JAKMIP2: variants seen among roughly 807,000 people sequenced by gnomAD.
JAKMIP2 encodes the protein janus kinase and microtubule interacting protein 2, also known as janus kinase and microtubule-interacting protein 2.
Under a neutral mutation model 115.0 loss-of-function variants are expected in JAKMIP2, and 25 were observed. The observed-to-expected ratio is 0.22, with a 90% CI of 0.16 to 0.30. The LOEUF (loss-of-function observed/expected upper bound fraction) is 0.30, where lower values mean the gene tolerates loss of function less well. Among genes scored for constraint, JAKMIP2 ranks in the 10% least tolerant of loss-of-function variants. The pLI, the probability that JAKMIP2 is intolerant of heterozygous loss-of-function variation, is 1.00. For synonymous variants in JAKMIP2, 334 were observed against 343.6 expected (o/e 0.97, Z 0.31); for missense variants, 642 against 957.6 (o/e 0.67, Z 4.35).
intron 1 of JAKMIP2, among the ~76,000 whole-genome samples, chr5:147,681,783 G>A (rs978378346): frequency 2.6e-5 from 4 of 151,916 alleles, no homozygotes; most frequent in African/African-American, 9.7e-5. Flanking sequence ...GGCTCACACC[G>A]GTAATCCCAG....
intron 5 of JAKMIP2, among the ~76,000 whole-genome samples, chr5:147,647,075 C>T (rs1008570089): frequency 6.6e-6 from 1 of 151,804 alleles, no homozygotes; most frequent in Non-Finnish European, 1.5e-5. Context: ...TGTAACATTG[C>T]TAAAATTGAC....
rs762363816 is a variant in JAKMIP2 at position 147,662,163 on chromosome 5, C to CACACACACACACAT, written c.130-719_130-718insATGTGTGTGTGTGT. On this transcript the variant is annotated intron_variant, in intron 2 of 21. Transcript: ENST00000616793. ...AGGTTAGTTTCATCCCCAAGTTTTA[C>CACACACACACACAT]ACACACACACACACACACACACAAA... 4.0e-5 allele frequency among the ~76,000 whole-genome samples: 6 copies of CACACACACACACAT among 148,222 alleles called. No homozygotes were observed. In the East Asian group the frequency reaches 1.0e-3, roughly 25 times the overall value.
chr5:147,628,025 A>G (rs146680608), intron 16 of JAKMIP2, among the ~76,000 whole-genome samples: 2,946 of 148,182 alleles, frequency 0.02, 104 homozygotes, highest in African/African-American at 0.068. Context: ...TTTTTTTTTT[A>G]AAGGAGATGG....
intron 1 of JAKMIP2, among the ~76,000 whole-genome samples, chr5:147,751,301 T>G (rs1267980545): frequency 1.4e-5 from 2 of 146,612 alleles, no homozygotes; most frequent in Non-Finnish European, 3.0e-5. Flanking sequence ...GGTTTCACCA[T>G]GTTAGCCAGG....
At chr5:147,593,848 T>C (rs1755217960) in intron 21 of JAKMIP2, among the ~76,000 whole-genome samples, 1 of 152,250 alleles carries the variant, frequency 6.6e-6, no homozygotes, top group African/African-American at 2.4e-5. Context: ...ATAAGAGAGT[T>C]GATCTGAATG....
At chr5:147,762,203 A>G (rs1349693974) in intron 1 of JAKMIP2, among the ~76,000 whole-genome samples, 2 of 152,138 alleles carry the variant, frequency 1.3e-5, no homozygotes, top group East Asian at 1.9e-4. Flanking sequence ...TCATTCTAGT[A>G]TATTTTTTAG....
Position 147,606,232 on chromosome 5 carries a change from G to C in JAKMIP2, c.2413-4421C>G, listed in dbSNP as rs192456129. Among the ~76,000 whole-genome samples the C allele has an allele frequency of 5.3e-5, 8 of 152,204 alleles. No homozygotes were observed. In the East Asian group the frequency reaches 1.5e-3, roughly 29 times the overall value. On this transcript the variant is annotated intron_variant, in intron 20 of 21. Coordinates refer to ENST00000616793, the MANE Select transcript of JAKMIP2 (RefSeq NM_001270941.2). Reference sequence around the variant, plus strand: ...TTGGATTTTGTTGCCATTGCTTTTGGTGTTTTAGTCATGAAGTCTTTGCCC... The same window carrying C: ...TTGGATTTTGTTGCCATTGCTTTTGCTGTTTTAGTCATGAAGTCTTTGCCC...
At chr5:147,650,612 G>A (rs529915799) in intron 3 of JAKMIP2, 65 bp from the exon 4 acceptor site, 71 of 1,263,544 alleles carry the variant, frequency 5.6e-5, no homozygotes, top group Non-Finnish European at 7.5e-5. Flanking sequence ...TTTTTACAAT[G>A]GTGTAGGTTT....
At chr5:147,674,670 C>T (rs778673832) in intron 1 of JAKMIP2, among the ~76,000 whole-genome samples, 42 of 152,174 alleles carry the variant, frequency 2.8e-4, no homozygotes, top group Non-Finnish European at 2.9e-5. Context: ...CATCATTGGA[C>T]GAAGGGCTTA....
chr5:147,595,287 A>C, intron 21 of JAKMIP2: 1 of 317,932 alleles, frequency 3.1e-6, no homozygotes, highest in South Asian at 2.6e-5. Flanking sequence ...CCAGTGCAAG[A>C]GTATTAACAG....
chr5:147,623,546 G>T, intron 17 of JAKMIP2, 75 bp downstream of exon 17: 1 of 897,012 alleles, frequency 1.1e-6, no homozygotes, highest in South Asian at 1.4e-5. Context: ...AGATAAAACT[G>T]GTAGAGGCAA....
chr5:147,603,527 C>T (rs1755825332), intron 20 of JAKMIP2, among the ~76,000 whole-genome samples: 1 of 152,168 alleles, frequency 6.6e-6, no homozygotes, highest in East Asian at 1.9e-4. Flanking sequence ...GTATCTCTGG[C>T]ATACAGGATC....
intron 1 of JAKMIP2, among the ~76,000 whole-genome samples, chr5:147,712,544 T>G (rs1367790373): frequency 2.6e-5 from 4 of 152,102 alleles, no homozygotes; most frequent in Non-Finnish European, 5.9e-5. Flanking sequence ...GGGAACAAAT[T>G]TTAGAGCCCT....
chr5:147,712,026 A>G (rs1049303207), intron 1 of JAKMIP2, among the ~76,000 whole-genome samples: 12 of 152,220 alleles, frequency 7.9e-5, no homozygotes, highest in African/African-American at 2.4e-4. Context: ...AAATAGCCTT[A>G]ATGCCATGTT....
At chr5:147,640,879 A>G in intron 8 of JAKMIP2, 56 bp from the exon 9 acceptor site, 1 of 1,514,182 alleles carries the variant, frequency 6.6e-7, no homozygotes, top group Admixed American at 1.8e-5. Context: ...GGAAAGTTGA[A>G]CGTTAAAATA....
chr5:147,782,585 T>C lies in JAKMIP2; in HGVS notation c.-278A>G, dbSNP rs541458489. The C allele has an allele frequency of 3.3e-4, 309 of 939,594 alleles. 2 individuals are homozygous for C. The East Asian group carries it at 7.9e-3, about 24-fold the overall frequency. The allele number at this position is 939,594 out of a possible 1,614,324, so 58.2% of individuals were successfully genotyped here. ...TGGCTGCCGGTTTTTTTTTTCCCTC[T>C]GTCTCTGGTTGGCGATGGTGCGAAT... On this transcript the variant is annotated 5_prime_UTR_variant, in exon 1 of 22. Transcript: ENST00000616793.
intron 1 of JAKMIP2, among the ~76,000 whole-genome samples, chr5:147,767,501 G>A (rs1755197339): frequency 1.3e-5 from 2 of 152,086 alleles, no homozygotes; most frequent in Admixed American, 6.6e-5. Context: ...CAAGGTTGGA[G>A]TACTGATAAT....
intron 1 of JAKMIP2, among the ~76,000 whole-genome samples, chr5:147,751,642 C>A (rs925801080): frequency 6.6e-6 from 1 of 151,940 alleles, no homozygotes; most frequent in Non-Finnish European, 1.5e-5. Context: ...GCTACACAGC[C>A]AAAAGCAGTG....
At position 147,644,053 on chromosome 5, in the gene JAKMIP2, C is replaced by T. The variant is rs747762982; in HGVS notation, c.1224+5G>A. On this transcript the variant is annotated splice_donor_5th_base_variant and intron_variant, in intron 7 of 21. Coordinates refer to ENST00000616793, the MANE Select transcript of JAKMIP2 (RefSeq NM_001270941.2). ...CTTAGGGTTTACAGATTGATTGACA[C>T]GTACCCTTGTGAGCTCATCAATAAT... 1.5e-5 allele frequency: 24 copies of T among 1,556,572 alleles called. No individual in the cohort carries two copies. The highest frequency in any genetic ancestry group is 2.5e-5 in the South Asian group (2 of 80,334).
Sources: gnomAD v4.1 joint callset for allele counts (sites outside exome capture counted in the v4.1 genomes callset) on GRCh38, gnomAD v4.1.1 for gene constraint, MANE v1.5 for transcripts, NCBI Gene and HGNC (gene_info 2026-07-23, HGNC 2026-07-21) for gene names.